The following DNMBP variants were observed in gnomAD, a reference collection of about 807,000 sequenced individuals.
The protein encoded by DNMBP is dynamin-binding protein.
DNMBP carries 87 observed loss-of-function variants against 150.0 expected under a neutral mutation model. That is an observed-to-expected ratio of 0.58 (90% confidence interval 0.49 to 0.69). The LOEUF is 0.69. DNMBP is among the 30% of genes least tolerant of loss of function. The probability of loss-of-function intolerance (pLI) is 0.00; values close to 1 mark genes in which losing one functional copy is unlikely to be tolerated. For missense variants in DNMBP, 1,774 were observed against 1,949.0 expected (o/e 0.91, Z 1.69); for synonymous variants, 711 against 750.4 (o/e 0.95, Z 0.86).
At chr10:99,935,087 C>CAAAAA (rs71009790) in intron 4 of DNMBP, among the ~76,000 whole-genome samples, 737 of 47,620 alleles carry the variant, frequency 0.015, no homozygotes, top group Middle Eastern at 0.04. Context: ...CCTGTCTCCA[C>CAAAAA]AAAAAAAAAA....
Position 99,887,179 on chromosome 10 carries a change from C to A in DNMBP, c.3286-547G>T, listed in dbSNP as rs146625447. Reference sequence around the variant, plus strand: ...TCTCAGCTCACTGCAGCCTCAGCCTCCCAAGAAGTTGGGATTACAGGAGTC... The same window carrying A: ...TCTCAGCTCACTGCAGCCTCAGCCTACCAAGAAGTTGGGATTACAGGAGTC... On this transcript the variant is annotated intron_variant, in intron 12 of 16. Transcript: ENST00000324109. 7.3e-4 allele frequency among the ~76,000 whole-genome samples: 111 copies of A among 151,844 alleles called. 2 individuals carry two copies. The highest frequency in any genetic ancestry group is 2.6e-3 in the African/African-American group (109 of 41,394).
At chr10:99,990,307 C>T (rs1331183743) in intron 1 of DNMBP, among the ~76,000 whole-genome samples, 1 of 152,034 alleles carries the variant, frequency 6.6e-6, no homozygotes, top group East Asian at 1.9e-4. Flanking sequence ...AATCCCAGCA[C>T]TTTGAGAGGC....
At chr10:99,920,178 C>T in intron 4 of DNMBP, among the ~76,000 whole-genome samples, 1 of 151,832 alleles carries the variant, frequency 6.6e-6, no homozygotes, top group Middle Eastern at 3.2e-3. Flanking sequence ...TGGGTTCAAG[C>T]AATTCTCCTG....
intron 15 of DNMBP, among the ~76,000 whole-genome samples, chr10:99,881,885 G>T (rs1392997902): frequency 6.6e-6 from 1 of 152,186 alleles, no homozygotes; most frequent in Non-Finnish European, 1.5e-5. Context: ...TGTCTGTCTA[G>T]ATAGGGACCA....
chr10:99,914,200 G>C (rs1318270813), intron 4 of DNMBP: 1 of 1,054,588 alleles, frequency 9.5e-7, no homozygotes, highest in East Asian at 3.2e-5. Flanking sequence ...GCACCAGCGG[G>C]CCCAGCAGTA....
chr10:99,888,932 C>T lies in DNMBP; in HGVS notation c.3178G>A (p.Val1060Met). 1 of 1,614,156 alleles carries T rather than the reference C, an allele frequency of 6.2e-7. No homozygotes were observed. Among genetic ancestry groups the T allele is most frequent in the South Asian group, 1.1e-5 (1 of 91,082 alleles). Residue 1060 changes from valine to methionine, a missense_variant, in exon 12 of 17, where the codon GTG becomes ATG. By Grantham distance (21) the Val-to-Met change is conservative. Coordinates refer to ENST00000324109, the MANE Select transcript of DNMBP (RefSeq NM_015221.4). ...HIRESACVKV[V>M]AAVSMWDVCM... ...ACATCCCACATGCTCACAGCAGCCACCACTTTCACACATGCGGACTCCTGG... is the reference window on the plus strand; with the variant it reads ...ACATCCCACATGCTCACAGCAGCCATCACTTTCACACATGCGGACTCCTGG...
At chr10:100,001,005 G>C (rs1395868837) in intron 1 of DNMBP, among the ~76,000 whole-genome samples, 1 of 151,318 alleles carries the variant, frequency 6.6e-6, no homozygotes, top group Non-Finnish European at 1.5e-5. Flanking sequence ...GGCCGAGGCG[G>C]GCAGATCACG....
rs1308846092 is a variant in DNMBP, at chr10:99,956,141, C to A, written c.1333G>T (p.Asp445Tyr). 1.9e-6 allele frequency: 3 copies of A among 1,613,976 alleles called. No homozygotes were observed. In the African/African-American group the frequency reaches 4.0e-5, roughly 22 times the overall value. Residue 445 changes from aspartate to tyrosine, a missense_variant, in exon 4 of 17, where the codon GAC becomes TAC. Transcript: ENST00000324109. ...GTCCTTGCTTCTAGGGGAAGAAGGTCGGGGTACTGTTCTGAGTGCGGGTGG... is the reference window on the plus strand; with the variant it reads ...GTCCTTGCTTCTAGGGGAAGAAGGTAGGGGTACTGTTCTGAGTGCGGGTGG... Reference protein sequence around the residue: ...GSHPHSEQYPDLLPLEARTRD... With the variant: ...GSHPHSEQYPYLLPLEARTRD...
intron 4 of DNMBP, among the ~76,000 whole-genome samples, chr10:99,936,806 G>A (rs1349158807): frequency 6.6e-6 from 1 of 152,168 alleles, no homozygotes; most frequent in Non-Finnish European, 1.5e-5. Flanking sequence ...CTGGGCTCAA[G>A]GGAGCCTCCC....
intron 6 of DNMBP, among the ~76,000 whole-genome samples, chr10:99,901,395 A>G (rs1052871709): frequency 1.3e-5 from 2 of 152,190 alleles, no homozygotes; most frequent in African/African-American, 2.4e-5. Context: ...TGACAGAAAC[A>G]TGTGACTTCT....
intron 6 of DNMBP, among the ~76,000 whole-genome samples, chr10:99,900,701 G>A (rs946428536): frequency 2.0e-5 from 3 of 152,064 alleles, no homozygotes; most frequent in African/African-American, 4.8e-5. Flanking sequence ...GCACATCTCG[G>A]CTCACTGCAA....
chr10:99,974,385 A>G (rs930558271), intron 1 of DNMBP, among the ~76,000 whole-genome samples: 1 of 152,262 alleles, frequency 6.6e-6, no homozygotes, highest in African/African-American at 2.4e-5. Flanking sequence ...AAGAGAGGAC[A>G]TAAGTAGTGG....
At chr10:100,001,416 T>TG (rs1049489723) in intron 1 of DNMBP, among the ~76,000 whole-genome samples, 2 of 140,676 alleles carry the variant, frequency 1.4e-5, no homozygotes, top group African/African-American at 2.7e-5. Context: ...TGTTGTTGTT[T>TG]TTTTTTTTTT....
chr10:99,997,946 A>T, intron 1 of DNMBP, among the ~76,000 whole-genome samples: 1 of 149,676 alleles, frequency 6.7e-6, no homozygotes, highest in African/African-American at 2.5e-5. Flanking sequence ...AAAAAAAAAA[A>T]AAAAAAAGCT....
rs540083166 is a variant in DNMBP, at chr10:99,885,537, T to C, written c.3798+150A>G. On this transcript the variant is annotated intron_variant, in intron 14 of 16. Transcript: ENST00000324109. ...CTCAAAAAAAAAAATGGCGAATGCATGAGCCCATGATGGGTGAGAATGCAA... is the reference window on the plus strand; with the variant it reads ...CTCAAAAAAAAAAATGGCGAATGCACGAGCCCATGATGGGTGAGAATGCAA... 15 of 730,226 alleles carry C rather than the reference T, an allele frequency of 2.1e-5. No individual in the cohort carries two copies. In the African/African-American group the frequency reaches 2.5e-4, roughly 12 times the overall value. The allele number at this position is 730,226 out of a possible 1,614,324, so 45.2% of individuals were successfully genotyped here.
At chr10:99,899,867 A>C in intron 7 of DNMBP, 52 bp downstream of exon 7, 2 of 1,596,526 alleles carry the variant, frequency 1.3e-6, no homozygotes, top group Non-Finnish European at 1.7e-6. Context: ...ACACAGGTAT[A>C]ACTTAGAGAA....
chr10:99,892,720 TCC>T (rs2133215227), intron 11 of DNMBP, among the ~76,000 whole-genome samples: 2 of 145,194 alleles, frequency 1.4e-5, no homozygotes, highest in South Asian at 4.5e-4. Flanking sequence ...CCCTGCCAAA[TCC>T]CCCTCTGTGA....
chr10:99,879,076 C>CTCTG (rs1036706741), intron 16 of DNMBP, among the ~76,000 whole-genome samples: 2 of 41,488 alleles, frequency 4.8e-5, no homozygotes, highest in African/African-American at 1.9e-4. Flanking sequence ...CAGAGCAAGA[C>CTCTG]TCTGTCTCAA....
At position 99,945,030 on chromosome 10, in the gene DNMBP, C is replaced by T. The variant is rs1357844982; in HGVS notation, c.2260+10184G>A. On this transcript the variant is annotated intron_variant, in intron 4 of 16. Coordinates refer to ENST00000324109, the MANE Select transcript of DNMBP (RefSeq NM_015221.4). ...GCTAAATTACAGCTGAGTTCCGATA[C>T]CTTGGTCATCCAAGGTACAAGGTAC... Among the ~76,000 whole-genome samples the T allele has an allele frequency of 3.3e-5, 5 of 152,296 alleles. No homozygotes were observed. In the East Asian group the frequency reaches 9.6e-4, roughly 29 times the overall value.
Sources: gnomAD v4.1 joint callset for allele counts (sites outside exome capture counted in the v4.1 genomes callset) on GRCh38, gnomAD v4.1.1 for gene constraint, MANE v1.5 for transcripts, NCBI Gene and HGNC (gene_info 2026-07-23, HGNC 2026-07-21) for gene names.